Variants in SATB2 observed in about 807,000 individuals in gnomAD.
The protein encoded by SATB2 is SATB homeobox 2.
SATB2 carries 1 observed loss-of-function variant against 73.4 expected under a neutral mutation model. The ratio of observed to expected loss-of-function variants is 0.01; its 90% CI spans 0.00 to 0.06. SATB2 has a LOEUF of 0.06. Among genes scored for constraint, SATB2 ranks in the 10% least tolerant of loss-of-function variants. The pLI is 1.00. For synonymous variants in SATB2, 397 were observed against 367.0 expected (o/e 1.08, Z -0.93); for missense variants, 459 against 945.8 (o/e 0.49, Z 6.75).
intron 5 of SATB2, among the ~76,000 whole-genome samples, chr2:199,376,337 A>C (rs1689604761): frequency 6.6e-6 from 1 of 152,234 alleles, no homozygotes; most frequent in Non-Finnish European, 1.5e-5. Context: ...TAATAATAAA[A>C]CTTTACATAC....
At chr2:199,461,598 A>T (rs539647638), upstream of SATB2, among the ~76,000 whole-genome samples, 1 of 152,174 alleles carries the variant, frequency 6.6e-6, no homozygotes, top group Non-Finnish European at 1.5e-5. Context: ...TGGAGTTCAC[A>T]TCTGGGGGAC....
intron 6 of SATB2, among the ~76,000 whole-genome samples, chr2:199,362,019 G>A (rs1273095762): frequency 1.5e-5 from 2 of 134,584 alleles, no homozygotes; most frequent in Non-Finnish European, 3.2e-5. Flanking sequence ...TTACAGGCGT[G>A]AGCCACCGCG....
chr2:199,433,063 T>C (rs1691549721), intron 3 of SATB2, among the ~76,000 whole-genome samples: 2 of 152,264 alleles, frequency 1.3e-5, no homozygotes, highest in Admixed American at 1.3e-4. Flanking sequence ...TCAACATTGG[T>C]CCTAACTTAG....
chr2:199,449,241 T>C (rs536425135), intron 2 of SATB2, among the ~76,000 whole-genome samples: 2 of 152,314 alleles, frequency 1.3e-5, no homozygotes, highest in South Asian at 4.1e-4. Flanking sequence ...TCTTTTTATC[T>C]AGTTTTTTAA....
At position 199,272,187 on chromosome 2, in the gene SATB2, T is replaced by C. The variant is rs1209129769; in HGVS notation, c.*24A>G. On this transcript the variant is annotated 3_prime_UTR_variant, in exon 11 of 11. Transcript: ENST00000417098. This position sits in a 1 kb window ranked among gnomAD's most constrained non-coding sequence, Gnocchi z 6.7. ...GCAGAAAATCCTTGGACCGATGTATTGCTTTGCCTAGTAGAAGTTCACATT... is the reference window on the plus strand; with the variant it reads ...GCAGAAAATCCTTGGACCGATGTATCGCTTTGCCTAGTAGAAGTTCACATT... 10 of 1,602,764 alleles carry C rather than the reference T, an allele frequency of 6.2e-6. No homozygotes were observed. Among genetic ancestry groups the C allele is most frequent in the Non-Finnish European group, 8.5e-6 (10 of 1,170,264 alleles).
At position 199,416,228 on chromosome 2, in the gene SATB2, C is replaced by T. The variant is rs569130201; in HGVS notation, c.346+17110G>A. On this transcript the variant is annotated intron_variant, in intron 3 of 10. Coordinates refer to ENST00000417098, the MANE Select transcript of SATB2 (RefSeq NM_001172509.2). ...CTAGTGGATTATACTTTGTAGGAAA[C>T]TGAATGAATTTTAAAAATATACAAT... is the stretch of plus-strand genomic sequence containing the variant. Among the ~76,000 whole-genome samples the T allele has an allele frequency of 2.6e-5, 4 of 152,214 alleles. No individual in the cohort carries two copies. The South Asian group carries it at 8.3e-4, about 32-fold the overall frequency.
chr2:199,443,539 CA>C (rs10598063), intron 2 of SATB2, among the ~76,000 whole-genome samples: 6,576 of 133,216 alleles, frequency 0.049, 488 homozygotes, highest in African/African-American at 0.17. Flanking sequence ...AAAGTTATAG[CA>C]AAAAAAAAAA....
intron 10 of SATB2, among the ~76,000 whole-genome samples, chr2:199,302,825 G>A (rs1441410080): frequency 6.6e-6 from 1 of 152,184 alleles, no homozygotes; most frequent in African/African-American, 2.4e-5. Context: ...GATTCCCAGG[G>A]CTGAGAGGTA....
chr2:199,329,235 C>A, intron 7 of SATB2: 1 of 371,508 alleles, frequency 2.7e-6, no homozygotes, highest in Non-Finnish European at 5.1e-6. Flanking sequence ...ACAAGTATTT[C>A]AGGAACTGTT....
chr2:199,302,530 C>T (rs1363993950), intron 10 of SATB2, among the ~76,000 whole-genome samples: 1 of 152,130 alleles, frequency 6.6e-6, no homozygotes, highest in African/African-American at 2.4e-5. Flanking sequence ...CTACTTCTAC[C>T]CAACTGCTAC....
At chr2:199,278,837 A>G (rs981696808) in intron 10 of SATB2, among the ~76,000 whole-genome samples, 2 of 152,222 alleles carry the variant, frequency 1.3e-5, no homozygotes, top group African/African-American at 2.4e-5. Flanking sequence ...TGTCTTCTTC[A>G]TCAGAGGTGT....
chr2:199,426,147 C>T (rs766915032), intron 3 of SATB2, among the ~76,000 whole-genome samples: 33 of 151,808 alleles, frequency 2.2e-4, no homozygotes, highest in African/African-American at 7.3e-4. Flanking sequence ...TTCAACATTG[C>T]CCTTACAAAG....
chr2:199,383,882 T>A (rs1299360722), intron 3 of SATB2, among the ~76,000 whole-genome samples: 1 of 152,134 alleles, frequency 6.6e-6, no homozygotes, highest in Non-Finnish European at 1.5e-5. Context: ...AAGACTAATC[T>A]AATGGGGATA....
rs1438154598 is a variant in SATB2, at chr2:199,464,011, C to A, written c.-141+825G>T. Reference sequence around the variant, plus strand: ...GCGAAAAAGCCCGCTGCGGGACCCACGGTCCCAGACACCTACTGGAGCCAG... The same window carrying A: ...GCGAAAAAGCCCGCTGCGGGACCCAAGGTCCCAGACACCTACTGGAGCCAG... On this transcript the variant is annotated intron_variant, in intron 1 of 11. Transcript: ENST00000260926. The surrounding 1 kb of genome is among the most constrained non-coding windows in gnomAD (Gnocchi z 6.6). Among the ~76,000 whole-genome samples the A allele has an allele frequency of 6.6e-6, 1 of 152,196 alleles. No homozygotes were observed. Among genetic ancestry groups the A allele is most frequent in the Non-Finnish European group, 1.5e-5 (1 of 68,038 alleles).
At chr2:199,443,866 T>G (rs755426954) in intron 2 of SATB2, among the ~76,000 whole-genome samples, 4 of 152,178 alleles carry the variant, frequency 2.6e-5, no homozygotes, top group Non-Finnish European at 5.9e-5. Flanking sequence ...GTCAAAATCA[T>G]AGTGTGTATT....
intron 5 of SATB2, among the ~76,000 whole-genome samples, chr2:199,370,450 C>T (rs1689409766): frequency 6.6e-6 from 1 of 152,136 alleles, no homozygotes; most frequent in Non-Finnish European, 1.5e-5. Context: ...CACAAACGTA[C>T]TTGTCATCTC....
At position 199,433,560 on chromosome 2, in the gene SATB2, A is replaced by T. The variant is rs753304519; in HGVS notation, c.170-46T>A. The T allele has an allele frequency of 7.1e-6, 11 of 1,559,394 alleles. No homozygotes were observed. The South Asian group carries it at 1.2e-4, about 17-fold the overall frequency. On this transcript the variant is annotated intron_variant, in intron 2 of 10. Coordinates refer to ENST00000417098, the MANE Select transcript of SATB2 (RefSeq NM_001172509.2). Reference sequence around the variant, plus strand: ...AGCAAAACACAAACATTAAAAAGCAAATCTCAGTCACCACGATGAGAAGGG... The same window carrying T: ...AGCAAAACACAAACATTAAAAAGCATATCTCAGTCACCACGATGAGAAGGG...
At position 199,289,134 on chromosome 2, in the gene SATB2, C is replaced by T. The variant is rs1014609376; in HGVS notation, c.1741-16462G>A. On this transcript the variant is annotated intron_variant, in intron 10 of 10. Coordinates refer to ENST00000417098, the MANE Select transcript of SATB2 (RefSeq NM_001172509.2). ...CTAGGGTAGGCTTTTCCATTCTAAA[C>T]CACTTTTAATTCATTATGGGAATAT... Among the ~76,000 whole-genome samples the T allele has an allele frequency of 5.5e-4, 83 of 152,148 alleles. 7 individuals are homozygous for T.
At chr2:199,420,214 T>A (rs914083318) in intron 3 of SATB2, among the ~76,000 whole-genome samples, 8 of 152,202 alleles carry the variant, frequency 5.3e-5, no homozygotes, top group Non-Finnish European at 1.0e-4. Flanking sequence ...ATAATTATGC[T>A]TATGCCACAC....
Sources: allele counts gnomAD v4.1 joint callset (sites outside exome capture counted in the v4.1 genomes callset), GRCh38; gene constraint gnomAD v4.1.1; non-coding constraint Gnocchi (gnomAD v3.1); transcripts MANE v1.5; gene names NCBI Gene and HGNC (gene_info 2026-07-23, HGNC 2026-07-21).